JAZF1: variants seen among roughly 807,000 people sequenced by gnomAD.
JAZF1 encodes juxtaposed with another zinc finger protein 1.
In JAZF1, 8 loss-of-function variants were observed where a neutral mutation model predicts 26.4. That is an observed-to-expected ratio of 0.30 (90% CI 0.18 to 0.55). The LOEUF (loss-of-function observed/expected upper bound fraction) is 0.55. JAZF1 is among the 20% of genes least tolerant of loss of function. The probability of loss-of-function intolerance (pLI) is 0.94; values close to 1 mark genes in which losing one functional copy is unlikely to be tolerated. For synonymous variants in JAZF1, 126 were observed against 122.3 expected (o/e 1.03, Z -0.20); for missense variants, 199 against 322.0 (o/e 0.62, Z 2.92).
At chr7:28,096,738 A>G (rs570892687) in intron 1 of JAZF1, among the ~76,000 whole-genome samples, 1 of 152,288 alleles carries the variant, frequency 6.6e-6, no homozygotes, top group Admixed American at 6.5e-5. Flanking sequence ...CAAATAAAGT[A>G]ATGGGAACAT....
chr7:28,050,439 A>T (rs1166120689), intron 1 of JAZF1, among the ~76,000 whole-genome samples: 1 of 152,198 alleles, frequency 6.6e-6, no homozygotes, highest in Admixed American at 6.5e-5. Context: ...CTCTGTGAAT[A>T]GAAAACCCCT....
chr7:27,848,590 G>C (rs780065783), intron 3 of JAZF1, among the ~76,000 whole-genome samples: 8 of 152,192 alleles, frequency 5.3e-5, no homozygotes, highest in Non-Finnish European at 1.2e-4. Flanking sequence ...CGACAGTAGG[G>C]TGGAGAGTCA....
chr7:27,911,611 T>C (rs1784361459), intron 2 of JAZF1, among the ~76,000 whole-genome samples: 1 of 152,194 alleles, frequency 6.6e-6, no homozygotes, highest in Non-Finnish European at 1.5e-5. Flanking sequence ...GCTACCATAT[T>C]GAATAGAAAC....
intron 1 of JAZF1, among the ~76,000 whole-genome samples, chr7:28,133,721 T>G (rs1190783777): frequency 1.3e-5 from 2 of 152,170 alleles, no homozygotes; most frequent in Non-Finnish European, 2.9e-5. Context: ...TTACTCAGTG[T>G]TCTAGCCATA....
chr7:27,960,595 T>C (rs1335021936), intron 2 of JAZF1, among the ~76,000 whole-genome samples: 1 of 152,220 alleles, frequency 6.6e-6, no homozygotes, highest in Non-Finnish European at 1.5e-5. Flanking sequence ...TGCTGACATA[T>C]TTTGGACAGC....
intron 3 of JAZF1, among the ~76,000 whole-genome samples, chr7:27,860,904 G>A (rs768262693): frequency 4.0e-5 from 6 of 151,886 alleles, no homozygotes; most frequent in Non-Finnish European, 5.9e-5. Flanking sequence ...CAGTCTTTGG[G>A]CACCTGGTGC....
intron 2 of JAZF1, among the ~76,000 whole-genome samples, chr7:27,965,696 C>T (rs185798958): frequency 4.6e-5 from 7 of 152,156 alleles, no homozygotes; most frequent in East Asian, 1.9e-4. Context: ...TATTAGATTT[C>T]GGTAGTCTAA....
At chr7:27,878,778 C>T (rs1003196477) in intron 3 of JAZF1, among the ~76,000 whole-genome samples, 1 of 152,198 alleles carries the variant, frequency 6.6e-6, no homozygotes, top group African/African-American at 2.4e-5. Flanking sequence ...AATGGAGTCA[C>T]TCTCTGGCCT....
At chr7:27,983,892 G>C (rs140121613) in intron 2 of JAZF1, among the ~76,000 whole-genome samples, 4,234 of 152,282 alleles carry the variant, frequency 0.028, 194 homozygotes, top group African/African-American at 0.097. Flanking sequence ...TTACAGACAA[G>C]CAAATGCTGA....
intron 3 of JAZF1, among the ~76,000 whole-genome samples, chr7:27,892,818 T>C (rs1040738489): frequency 1.3e-5 from 2 of 152,170 alleles, no homozygotes; most frequent in Admixed American, 1.3e-4. Context: ...TTGATTCTGT[T>C]CCTAAAATAC....
chr7:28,021,945 T>G (rs921022441), intron 1 of JAZF1, among the ~76,000 whole-genome samples: 1 of 152,190 alleles, frequency 6.6e-6, no homozygotes, highest in Non-Finnish European at 1.5e-5. Flanking sequence ...TCAGTAAAAT[T>G]CAAACAAAGA....
chr7:28,140,028 G>A (rs1782939915), intron 1 of JAZF1, among the ~76,000 whole-genome samples: 2 of 151,878 alleles, frequency 1.3e-5, no homozygotes, highest in Admixed American at 1.3e-4. Context: ...TACTTACTCT[G>A]ACAAAGTAAG....
At chr7:27,910,584 CAG>C (rs1321534803) in intron 2 of JAZF1, among the ~76,000 whole-genome samples, 4 of 152,196 alleles carry the variant, frequency 2.6e-5, no homozygotes, top group African/African-American at 7.2e-5. Flanking sequence ...AAGCTTTTCT[CAG>C]AGAGTACAGG....
At chr7:27,875,293 G>A (rs372122231) in intron 3 of JAZF1, among the ~76,000 whole-genome samples, 2 of 152,016 alleles carry the variant, frequency 1.3e-5, no homozygotes, top group African/African-American at 2.4e-5. Context: ...TGTGATCCTC[G>A]TCCCAGCCTT....
intron 2 of JAZF1, among the ~76,000 whole-genome samples, chr7:27,941,376 G>C (rs117767852): frequency 6.6e-6 from 1 of 152,010 alleles, no homozygotes; most frequent in Non-Finnish European, 1.5e-5. Flanking sequence ...TTACTACTTC[G>C]CCTAATTTTC....
intron 1 of JAZF1, among the ~76,000 whole-genome samples, chr7:28,087,407 C>G (rs1370999913): frequency 6.6e-6 from 1 of 151,676 alleles, no homozygotes; most frequent in East Asian, 1.9e-4. Context: ...AAAAGTGATC[C>G]CTAATTTTTG....
intron 2 of JAZF1, among the ~76,000 whole-genome samples, chr7:27,973,820 A>T (rs1374378009): frequency 6.6e-6 from 1 of 152,192 alleles, no homozygotes; most frequent in East Asian, 1.9e-4. Context: ...TGCTTTCTAC[A>T]GCTCTAGTGA....
intron 3 of JAZF1, among the ~76,000 whole-genome samples, chr7:27,870,976 G>C (rs1783570746): frequency 6.6e-6 from 1 of 152,110 alleles, no homozygotes; most frequent in African/African-American, 2.4e-5. Context: ...ATTTTGACTG[G>C]GTTCATGTAC....
intron 3 of JAZF1, among the ~76,000 whole-genome samples, chr7:27,860,033 A>C (rs932222829): frequency 6.6e-6 from 1 of 152,178 alleles, no homozygotes; most frequent in Non-Finnish European, 1.5e-5. Context: ...TCCTTACAAT[A>C]GTCACACATT....
Sources: gnomAD v4.1 joint callset for allele counts (sites outside exome capture counted in the v4.1 genomes callset) on GRCh38, gnomAD v4.1.1 for gene constraint, MANE v1.5 for transcripts, NCBI Gene and HGNC (gene_info 2026-07-23, HGNC 2026-07-21) for gene names.